Variants in CEP112 observed in about 807,000 individuals in gnomAD.
The protein encoded by CEP112 is centrosomal protein of 112 kDa.
In CEP112, 127 loss-of-function variants were observed where a neutral mutation model predicts 153.0. That is an observed-to-expected ratio of 0.83 (90% CI 0.72 to 0.96). The LOEUF (loss-of-function observed/expected upper bound fraction) is 0.96. CEP112 is among the 40% of genes least tolerant of loss of function. The pLI, the probability that CEP112 is intolerant of heterozygous loss-of-function variation, is 0.00. For missense variants in CEP112, 1,089 were observed against 1,101.2 expected (o/e 0.99, Z 0.16); for synonymous variants, 358 against 374.4 (o/e 0.96, Z 0.51).
chr17:66,071,778 T>C (rs2067315598), intron 8 of CEP112, among the ~76,000 whole-genome samples: 1 of 152,056 alleles, frequency 6.6e-6, no homozygotes. Flanking sequence ...CAATCCAGTA[T>C]ATAGAAAAAA....
chr17:65,994,230 C>G (rs896949123), intron 17 of CEP112, among the ~76,000 whole-genome samples: 10 of 152,128 alleles, frequency 6.6e-5, no homozygotes, highest in African/African-American at 2.4e-4. Context: ...AGAAATGTCA[C>G]CATGCACTTT....
chr17:65,996,054 G>A (rs189624117), intron 17 of CEP112, among the ~76,000 whole-genome samples: 61 of 151,850 alleles, frequency 4.0e-4, no homozygotes, highest in African/African-American at 1.4e-3. Flanking sequence ...CATGAAAACG[G>A]CCTAATACAA....
At chr17:66,151,291 T>C (rs2071199324) in intron 4 of CEP112, among the ~76,000 whole-genome samples, 1 of 152,230 alleles carries the variant, frequency 6.6e-6, no homozygotes, top group African/African-American at 2.4e-5. Flanking sequence ...TTATGTTCAC[T>C]GAATATTTTA....
chr17:65,921,048 C>T (rs554549138), intron 19 of CEP112, among the ~76,000 whole-genome samples: 4 of 151,890 alleles, frequency 2.6e-5, no homozygotes, highest in Non-Finnish European at 5.9e-5. Context: ...TTATCATCCT[C>T]GACTGACTGA....
chr17:65,887,760 C>T (rs190871801), intron 20 of CEP112, among the ~76,000 whole-genome samples: 23 of 152,276 alleles, frequency 1.5e-4, no homozygotes, highest in East Asian at 1.2e-3. Flanking sequence ...CAGGCAGGAG[C>T]CCTGCAGCCT....
chr17:65,743,222 A>G lies in CEP112; in HGVS notation c.2458-5T>C, dbSNP rs1436267986. 6.2e-7 allele frequency: 1 copy of G among 1,602,156 alleles called. No individual in the cohort carries two copies. The highest frequency in any genetic ancestry group is 8.5e-7 in the Non-Finnish European group (1 of 1,176,656). On this transcript the variant is annotated splice_region_variant and splice_polypyrimidine_tract_variant and intron_variant, in intron 22 of 26. Transcript: ENST00000535342. ...TGTCTGAAGTTCTGCTATGATCTAA[A>G]ATGAAAACAGCATGCTATAACTTCA...
chr17:65,788,471 A>G (rs2054403042), intron 21 of CEP112, among the ~76,000 whole-genome samples: 1 of 151,898 alleles, frequency 6.6e-6, no homozygotes, highest in Non-Finnish European at 1.5e-5. Context: ...TTATTATTGG[A>G]GTTTTCTGTT....
At position 65,919,579 on chromosome 17, in the gene CEP112, C is replaced by A. The variant is rs962755949; in HGVS notation, c.1980+8003G>T. Among the ~76,000 whole-genome samples, 4 of 152,008 alleles carry A rather than the reference C, an allele frequency of 2.6e-5. No homozygotes were observed. In the South Asian group the frequency reaches 8.3e-4, roughly 32 times the overall value. On this transcript the variant is annotated intron_variant, in intron 19 of 26. Coordinates refer to ENST00000535342, the MANE Select transcript of CEP112 (RefSeq NM_001199165.4). ...ACAGGTACCTAAATGAATGAGTCAG[C>A]GGTGGAATCAGAGAAGTCGGTCTGT...
chr17:66,151,979 T>C (rs2146688256), intron 4 of CEP112, among the ~76,000 whole-genome samples: 1 of 152,354 alleles, frequency 6.6e-6, no homozygotes, highest in African/African-American at 2.4e-5. Context: ...GGAATTTCTC[T>C]TAGATGTTGC....
At chr17:65,982,906 G>A (rs895144486) in intron 17 of CEP112, among the ~76,000 whole-genome samples, 1 of 152,186 alleles carries the variant, frequency 6.6e-6, no homozygotes, top group African/African-American at 2.4e-5. Flanking sequence ...GACAATATTT[G>A]CTGCACTGTA....
intron 18 of CEP112, among the ~76,000 whole-genome samples, chr17:65,938,744 A>G (rs1366197694): frequency 6.6e-6 from 1 of 152,252 alleles, no homozygotes; most frequent in Non-Finnish European, 1.5e-5. Context: ...AAATGAATTC[A>G]GCAGAGTTGA....
chr17:65,680,371 G>T (rs2047457717), intron 24 of CEP112, among the ~76,000 whole-genome samples: 2 of 152,106 alleles, frequency 1.3e-5, no homozygotes, highest in Admixed American at 6.5e-5. Context: ...CAATACCAAG[G>T]GCCTGTGATC....
intron 16 of CEP112, among the ~76,000 whole-genome samples, chr17:66,010,578 T>C (rs2064478411): frequency 6.6e-6 from 1 of 152,150 alleles, no homozygotes; most frequent in African/African-American, 2.4e-5. Flanking sequence ...CACTCAGTAT[T>C]ACGTTGGCTG....
At chr17:65,863,699 C>T (rs2058384201) in intron 20 of CEP112, among the ~76,000 whole-genome samples, 1 of 145,120 alleles carries the variant, frequency 6.9e-6, no homozygotes, top group African/African-American at 2.6e-5. Context: ...GTGGAGCTTG[C>T]AGTGAGCGCC....
At chr17:65,907,197 C>G (rs2060115491) in intron 19 of CEP112, among the ~76,000 whole-genome samples, 1 of 152,106 alleles carries the variant, frequency 6.6e-6, no homozygotes, top group Non-Finnish European at 1.5e-5. Flanking sequence ...GTTCTGTACT[C>G]TAGTAGTAAT....
intron 4 of CEP112, among the ~76,000 whole-genome samples, chr17:66,161,270 T>G (rs543832981): frequency 6.6e-6 from 1 of 152,280 alleles, no homozygotes; most frequent in East Asian, 1.9e-4. Context: ...CAGAAGACAG[T>G]GTGGAAATTC....
intron 21 of CEP112, among the ~76,000 whole-genome samples, chr17:65,848,140 G>A (rs1014789725): frequency 1.3e-5 from 2 of 152,178 alleles, no homozygotes; most frequent in Non-Finnish European, 2.9e-5. Flanking sequence ...CTCAACCCAT[G>A]TTCAGCCCCA....
intron 24 of CEP112, among the ~76,000 whole-genome samples, chr17:65,670,059 A>T (rs2046906624): frequency 6.6e-6 from 1 of 152,136 alleles, no homozygotes; most frequent in Non-Finnish European, 1.5e-5. Flanking sequence ...CTCCTGGCAC[A>T]TAGTAGGTGC....
At chr17:65,829,932 T>A (rs183330526) in intron 21 of CEP112, among the ~76,000 whole-genome samples, 15 of 152,330 alleles carry the variant, frequency 9.8e-5, no homozygotes, top group African/African-American at 3.4e-4. Context: ...GACACCCTAT[T>A]AATGGTAAGA....
Sources: allele counts gnomAD v4.1 joint callset (sites outside exome capture counted in the v4.1 genomes callset), GRCh38; gene constraint gnomAD v4.1.1; transcripts MANE v1.5; gene names NCBI Gene and HGNC (gene_info 2026-07-23, HGNC 2026-07-21).